Variants in ADGRB3 observed in about 807,000 individuals in gnomAD.
The protein encoded by ADGRB3 is adhesion G protein-coupled receptor B3, also known as brain-specific angiogenesis inhibitor 3.
Under a neutral mutation model 193.4 loss-of-function variants are expected in ADGRB3, and 37 were observed. The ratio of observed to expected loss-of-function variants is 0.19; its 90% CI spans 0.15 to 0.25. The LOEUF (loss-of-function observed/expected upper bound fraction) is 0.25, where lower values mean the gene tolerates loss of function less well. Among genes scored for constraint, ADGRB3 ranks in the 10% least tolerant of loss-of-function variants. The pLI is 1.00. For synonymous variants in ADGRB3, 690 were observed against 644.2 expected (o/e 1.07, Z -1.08); for missense variants, 1,637 against 1,852.9 (o/e 0.88, Z 2.14).
At chr6:68,948,699 C>T (rs1337133243) in intron 6 of ADGRB3, among the ~76,000 whole-genome samples, 1 of 152,078 alleles carries the variant, frequency 6.6e-6, no homozygotes, top group African/African-American at 2.4e-5. Flanking sequence ...AGCGTGGACA[C>T]TTCTCAATCT....
Position 68,708,521 on chromosome 6 carries a change from C to T in ADGRB3, c.757+69089C>T, listed in dbSNP as rs534026408. On this transcript the variant is annotated intron_variant, in intron 3 of 31. Coordinates refer to ENST00000370598, the MANE Select transcript of ADGRB3 (RefSeq NM_001704.3). ...TTCTCCAGTGAAATTTCCTAAAGGG[C>T]CCAGTTCAAAGATACATAAAATCTG... 2.9e-3 allele frequency among the ~76,000 whole-genome samples: 442 copies of T among 152,196 alleles called. 2 individuals are homozygous for T. The highest frequency in any genetic ancestry group is 0.01 in the African/African-American group (427 of 41,518).
chr6:69,141,374 C>T lies in ADGRB3; in HGVS notation c.2480+65336C>T, dbSNP rs568603032. ...TGCTGACCTCGTGATCCACCCGCCT[C>T]GGCCTCCCAAAGTGCTGGGATTACA... On this transcript the variant is annotated intron_variant, in intron 17 of 31. Transcript: ENST00000370598. Among the ~76,000 whole-genome samples the T allele has an allele frequency of 2.2e-3, 341 of 152,204 alleles. 1 individual carries two copies. Among genetic ancestry groups the T allele is most frequent in the African/African-American group, 7.7e-3 (321 of 41,540 alleles).
At chr6:69,188,266 T>C (rs1765109668) in intron 17 of ADGRB3, among the ~76,000 whole-genome samples, 1 of 152,098 alleles carries the variant, frequency 6.6e-6, no homozygotes, top group Admixed American at 6.6e-5. Context: ...TTTCTGGGAG[T>C]TATTATCCAA....
Position 69,355,761 on chromosome 6 carries a change from A to G in ADGRB3, c.3556-60A>G, listed in dbSNP as rs1769324493. 4.4e-6 allele frequency: 6 copies of G among 1,362,248 alleles called. No individual in the cohort carries two copies. In the South Asian group the frequency reaches 7.3e-5, roughly 17 times the overall value. 84.4% of individuals were successfully genotyped at this position (1,362,248 alleles called of 1,614,324 possible). On this transcript the variant is annotated intron_variant, in intron 27 of 31. Transcript: ENST00000370598. ...GTAAACTTCAGATAATCTGATTAGT[A>G]AAAGACACTTGAGGTCTTCATTAAA...
intron 20 of ADGRB3, among the ~76,000 whole-genome samples, chr6:69,258,865 A>T (rs1303558183): frequency 6.6e-6 from 1 of 152,204 alleles, no homozygotes; most frequent in East Asian, 1.9e-4. Flanking sequence ...AAAATGCTCC[A>T]CAGGCGATTC....
intron 20 of ADGRB3, among the ~76,000 whole-genome samples, chr6:69,318,259 T>C (rs977206471): frequency 6.6e-6 from 1 of 151,490 alleles, no homozygotes. Flanking sequence ...CTTCAATATA[T>C]AATTTCCAAA....
chr6:68,640,260 A>G (rs958802269), intron 3 of ADGRB3, among the ~76,000 whole-genome samples: 1 of 152,136 alleles, frequency 6.6e-6, no homozygotes, highest in Non-Finnish European at 1.5e-5. Context: ...AATGTCTCAG[A>G]GCTAGCTGGG....
intron 26 of ADGRB3, among the ~76,000 whole-genome samples, chr6:69,344,118 G>A (rs150023313): frequency 1.8e-4 from 27 of 152,216 alleles, no homozygotes; most frequent in Admixed American, 1.2e-3. Flanking sequence ...TCACAAGATC[G>A]TGATACAAAA....
chr6:68,904,330 T>C (rs746614840), intron 3 of ADGRB3, among the ~76,000 whole-genome samples: 13 of 152,116 alleles, frequency 8.5e-5, no homozygotes, highest in Non-Finnish European at 1.5e-5. Context: ...CCTGACAATA[T>C]TGCTAAGTGA....
chr6:68,750,954 T>C (rs1191520243), intron 3 of ADGRB3, among the ~76,000 whole-genome samples: 1 of 152,206 alleles, frequency 6.6e-6, no homozygotes, highest in African/African-American at 2.4e-5. Context: ...TTACCTTTTT[T>C]GCCCATCTGT....
chr6:69,087,689 T>A (rs1772590060), intron 17 of ADGRB3, among the ~76,000 whole-genome samples: 1 of 151,968 alleles, frequency 6.6e-6, no homozygotes, highest in African/African-American at 2.4e-5. Flanking sequence ...CCATGAGAGT[T>A]GAAAAGTCAA....
At chr6:68,958,092 G>A (rs548553558) in intron 8 of ADGRB3, among the ~76,000 whole-genome samples, 2 of 151,878 alleles carry the variant, frequency 1.3e-5, no homozygotes, top group African/African-American at 4.8e-5. Context: ...TCCCAGCTAC[G>A]CAGGAGGCTG....
rs183514633 is a variant in ADGRB3, at chr6:69,122,817, G to A, written c.2480+46779G>A. On this transcript the variant is annotated intron_variant, in intron 17 of 31. Coordinates refer to ENST00000370598, the MANE Select transcript of ADGRB3 (RefSeq NM_001704.3). ...TATAAAATCAATATGGCAGAACAAA[G>A]CTGGTTTCAAACATACATACATACA... 3.7e-3 allele frequency among the ~76,000 whole-genome samples: 559 copies of A among 152,050 alleles called. 1 individual carries two copies. Among genetic ancestry groups the A allele is most frequent in the Middle Eastern group, 0.014 (4 of 294 alleles).
At chr6:69,036,991 G>T (rs1189631822) in intron 13 of ADGRB3, among the ~76,000 whole-genome samples, 1 of 152,194 alleles carries the variant, frequency 6.6e-6, no homozygotes, top group Admixed American at 6.5e-5. Context: ...CAGTCAGACA[G>T]CTCTTAAATT....
intron 24 of ADGRB3, among the ~76,000 whole-genome samples, chr6:69,337,130 C>T (rs763234166): frequency 2.0e-5 from 3 of 152,158 alleles, no homozygotes; most frequent in Non-Finnish European, 4.4e-5. Flanking sequence ...AAAATACTTA[C>T]ACTATGTACT....
At chr6:68,900,983 T>C (rs1042544827) in intron 3 of ADGRB3, among the ~76,000 whole-genome samples, 6 of 152,178 alleles carry the variant, frequency 3.9e-5, no homozygotes, top group Non-Finnish European at 7.3e-5. Context: ...AAATAAAACA[T>C]GCTAATAGTT....
intron 12 of ADGRB3, among the ~76,000 whole-genome samples, chr6:69,017,424 C>T (rs1471675850): frequency 6.6e-6 from 1 of 151,948 alleles, no homozygotes; most frequent in Non-Finnish European, 1.5e-5. Context: ...AGATTTTCTG[C>T]TCTAAAGTGG....
chr6:68,961,699 C>A (rs1185366369), intron 8 of ADGRB3, among the ~76,000 whole-genome samples: 1 of 152,096 alleles, frequency 6.6e-6, no homozygotes, highest in Non-Finnish European at 1.5e-5. Flanking sequence ...ATTTACATTT[C>A]TTTTCTAAAG....
chr6:69,141,272 C>T (rs1256715082), intron 17 of ADGRB3, among the ~76,000 whole-genome samples: 2 of 151,902 alleles, frequency 1.3e-5, no homozygotes, highest in Admixed American at 1.3e-4. Context: ...TACAGGAGCC[C>T]GCCACCATGC....
Sources: gnomAD v4.1 joint callset for allele counts (sites outside exome capture counted in the v4.1 genomes callset) on GRCh38, gnomAD v4.1.1 for gene constraint, MANE v1.5 for transcripts, NCBI Gene and HGNC (gene_info 2026-07-23, HGNC 2026-07-21) for gene names.